Variants in POMK observed in about 807,000 individuals in gnomAD.
POMK encodes the protein Sugen kinase 196.
A neutral mutation model predicts 23.0 loss-of-function variants in POMK; 19 were observed. That is an observed-to-expected ratio of 0.83 (90% CI 0.58 to 1.21). The LOEUF (loss-of-function observed/expected upper bound fraction) is 1.21. POMK is among the 50% of genes most tolerant of loss of function. The probability of loss-of-function intolerance (pLI) is 0.00; values close to 1 mark genes in which losing one functional copy is unlikely to be tolerated. For missense variants in POMK, 410 were observed against 431.3 expected, an observed-to-expected ratio of 0.95 and a Z score of 0.44; for synonymous variants, 173 against 171.6, an observed-to-expected ratio of 1.01 and a Z score of -0.06.
chr8:43,101,563 A>G (rs1811441401), intron 2 of POMK, among the ~76,000 whole-genome samples: 1 of 152,164 alleles, frequency 6.6e-6, no homozygotes. Flanking sequence ...CTGGACTGCA[A>G]AGTGGTCCTC....
At chr8:43,106,106 CACTA>C (rs1208315271) in intron 4 of POMK, among the ~76,000 whole-genome samples, 1 of 152,216 alleles carries the variant, frequency 6.6e-6, no homozygotes, top group Non-Finnish European at 1.5e-5. Context: ...TTTACATTCT[CACTA>C]ACAGAGTATA....
intron 4 of POMK, among the ~76,000 whole-genome samples, chr8:43,110,920 TAAAAAA>T (rs932495819): frequency 6.9e-6 from 1 of 144,006 alleles, no homozygotes; most frequent in Non-Finnish European, 1.5e-5. Context: ...GCCTCCGTCT[TAAAAAA>T]AAAAAGTCTT....
At chr8:43,109,527 A>G (rs1353489541) in intron 4 of POMK, among the ~76,000 whole-genome samples, 1 of 151,746 alleles carries the variant, frequency 6.6e-6, no homozygotes, top group African/African-American at 2.4e-5. Flanking sequence ...TTTGACCATA[A>G]GGTAAGATTT....
chr8:43,095,026 A>G (rs1477048414), intron 1 of POMK, among the ~76,000 whole-genome samples: 1 of 152,214 alleles, frequency 6.6e-6, no homozygotes, highest in African/African-American at 2.4e-5. Flanking sequence ...ATGCCTGTGA[A>G]ACAAAAAAGC....
intron 2 of POMK, among the ~76,000 whole-genome samples, chr8:43,101,228 G>A (rs955277266): frequency 6.6e-6 from 1 of 151,920 alleles, no homozygotes; most frequent in Admixed American, 6.6e-5. Flanking sequence ...TTCAAGGCCA[G>A]CCTGAGCAAC....
chr8:43,120,359 T>C (rs1811887905), intron 4 of POMK, among the ~76,000 whole-genome samples: 1 of 151,900 alleles, frequency 6.6e-6, no homozygotes, highest in African/African-American at 2.4e-5. Context: ...ATTACAGGCA[T>C]GCACCACCAT....
chr8:43,111,558 G>A (rs888193715), intron 4 of POMK, among the ~76,000 whole-genome samples: 3 of 152,238 alleles, frequency 2.0e-5, no homozygotes, highest in African/African-American at 7.2e-5. Flanking sequence ...CTGTGTGACA[G>A]CTTTGAAGAG....
At chr8:43,117,587 T>A (rs1315449715) in intron 4 of POMK, among the ~76,000 whole-genome samples, 4 of 151,938 alleles carry the variant, frequency 2.6e-5, no homozygotes, top group African/African-American at 9.7e-5. Context: ...CAGTAATTAA[T>A]AAGCACAAGG....
Position 43,122,147 on chromosome 8 carries a change from C to T in POMK, c.323C>T (p.Ser108Leu). 2 of 1,614,210 alleles carry T rather than the reference C, an allele frequency of 1.2e-6. No homozygotes were observed. Among genetic ancestry groups the T allele is most frequent in the Non-Finnish European group, 1.7e-6 (2 of 1,180,028 alleles). ...TGGAAGGAGCACAAAGTTGCACTCT[C>T]ACAGCTCACCAGCCTGGAGATGAAA... ...SEWKEHKVAL[S>L]QLTSLEMKDD... The change falls in exon 5 of 5, where the codon TCA becomes TTA. Residue 108 changes from serine (S) to leucine (L), a missense_variant. Transcript: ENST00000331373.
At chr8:43,102,852 G>A (rs954790966) in intron 3 of POMK, among the ~76,000 whole-genome samples, 1 of 152,240 alleles carries the variant, frequency 6.6e-6, no homozygotes, top group African/African-American at 2.4e-5. Context: ...ATTATCAGTG[G>A]TTACTTATCG....
intron 4 of POMK, among the ~76,000 whole-genome samples, chr8:43,114,618 T>C (rs2130616327): frequency 6.6e-6 from 1 of 152,368 alleles, no homozygotes; most frequent in Non-Finnish European, 1.5e-5. Flanking sequence ...CTGCACCCAC[T>C]GTCCTGCACC....
At chr8:43,112,167 G>GA (rs966145634) in intron 4 of POMK, among the ~76,000 whole-genome samples, 9 of 151,842 alleles carry the variant, frequency 5.9e-5, no homozygotes, top group African/African-American at 2.2e-4. Flanking sequence ...TAAAAACTTC[G>GA]AAAAAAAATT....
chr8:43,122,967 CGTGTTT>C lies in POMK; in HGVS notation c.*91_*96del. The C allele has an allele frequency of 8.1e-7, 1 of 1,236,232 alleles. No homozygotes were observed. Among genetic ancestry groups the C allele is most frequent in the Non-Finnish European group, 1.1e-6 (1 of 894,744 alleles). 76.6% of individuals were successfully genotyped at this position (1,236,232 alleles called of 1,614,324 possible). On this transcript the variant is annotated 3_prime_UTR_variant, in exon 5 of 5. Coordinates refer to ENST00000331373, the MANE Select transcript of POMK (RefSeq NM_032237.5). ...ATGGTGGAGTTTTTTGCCTGAGTTT[CGTGTTT>C]TATTGTTTTTTTTATGGCTTAGCCA... is the stretch of plus-strand genomic sequence containing the variant.
At chr8:43,107,820 A>C (rs1005894270) in intron 4 of POMK, among the ~76,000 whole-genome samples, 1 of 152,000 alleles carries the variant, frequency 6.6e-6, no homozygotes, top group Admixed American at 6.6e-5. Flanking sequence ...AGCTGGGACT[A>C]TAGGTGCACG....
Position 43,103,850 on chromosome 8 carries a change from C to T in POMK, c.282+20C>T, listed in dbSNP as rs181979471. On this transcript the variant is annotated intron_variant, in intron 4 of 4. Transcript: ENST00000331373. ...AAGAGAGTGAGTCCGGGTTCATTTG[C>T]GATTGCTGTCATCCTGTTATTTCGC... The T allele has an allele frequency of 3.8e-5, 61 of 1,611,468 alleles. No homozygotes were observed. The highest frequency in any genetic ancestry group is 1.7e-4 in the African/African-American group (13 of 75,028).
At chr8:43,119,433 CTTTTTTTT>C (rs907663234) in intron 4 of POMK, among the ~76,000 whole-genome samples, 1 of 95,988 alleles carries the variant, frequency 1.0e-5, no homozygotes, top group Non-Finnish European at 2.0e-5. Flanking sequence ...TGAAAAACAG[CTTTTTTTT>C]TTTTTTTTTT....
chr8:43,114,276 C>A (rs912079186), intron 4 of POMK, among the ~76,000 whole-genome samples: 42 of 152,374 alleles, frequency 2.8e-4, no homozygotes, highest in Non-Finnish European at 5.4e-4. Context: ...GTTAGAGCTT[C>A]CCGGCTGCTT....
intron 4 of POMK, among the ~76,000 whole-genome samples, chr8:43,116,700 T>C (rs969211981): frequency 9.2e-5 from 14 of 152,218 alleles, no homozygotes; most frequent in African/African-American, 3.4e-4. Context: ...TACTGTTTGA[T>C]TCCTTAAAAA....
intron 4 of POMK, among the ~76,000 whole-genome samples, chr8:43,119,228 T>C (rs907609503): frequency 6.6e-5 from 10 of 152,080 alleles, no homozygotes; most frequent in Non-Finnish European, 5.9e-5. Context: ...CATGCAGAGG[T>C]GGGCGTAAGG....
Sources: allele counts gnomAD v4.1 joint callset (sites outside exome capture counted in the v4.1 genomes callset), GRCh38; gene constraint gnomAD v4.1.1; transcripts MANE v1.5; gene names NCBI Gene and HGNC (gene_info 2026-07-23, HGNC 2026-07-21).